Variants in COMMD1 observed in about 807,000 individuals in gnomAD.
The protein encoded by COMMD1 is copper metabolism domain containing 1, also known as COMM domain-containing protein 1.
In COMMD1, 10 loss-of-function variants were observed where a neutral mutation model predicts 17.2. The ratio of observed to expected loss-of-function variants is 0.58; its 90% CI spans 0.36 to 0.99. The LOEUF (loss-of-function observed/expected upper bound fraction) is 0.99, where lower values mean the gene tolerates loss of function less well. Among genes scored for constraint, COMMD1 ranks in the 50% least tolerant of loss-of-function variants. The pLI is 0.01. For missense variants in COMMD1, 270 were observed against 231.8 expected, an observed-to-expected ratio of 1.17 and a Z score of -1.07; for synonymous variants, 97 against 91.6, an observed-to-expected ratio of 1.06 and a Z score of -0.34.
chr2:61,933,929 A>AATTTT (rs1326737874), intron 1 of COMMD1, among the ~76,000 whole-genome samples: 5 of 151,882 alleles, frequency 3.3e-5, no homozygotes, highest in Admixed American at 6.6e-5. Flanking sequence ...ATACCTGGCT[A>AATTTT]ATTTTTTGTA....
intron 1 of COMMD1, among the ~76,000 whole-genome samples, chr2:61,935,814 G>T (rs1401748199): frequency 6.6e-6 from 1 of 151,890 alleles, no homozygotes; most frequent in Non-Finnish European, 1.5e-5. Context: ...CTTGATCTTA[G>T]GTTATCGATT....
At chr2:62,128,930 C>T (rs1485396725) in intron 2 of COMMD1, among the ~76,000 whole-genome samples, 2 of 142,260 alleles carry the variant, frequency 1.4e-5, no homozygotes, top group African/African-American at 5.3e-5. Context: ...CCAGCCTGGG[C>T]AACAGAGCGA....
At chr2:62,134,262 T>C (rs1211134112) in intron 2 of COMMD1, among the ~76,000 whole-genome samples, 1 of 152,188 alleles carries the variant, frequency 6.6e-6, no homozygotes, top group Non-Finnish European at 1.5e-5. Context: ...TTTTCAGTAG[T>C]TAGGAAAATA....
At chr2:61,901,524 G>A (rs1471144433), upstream of COMMD1, among the ~76,000 whole-genome samples, 4 of 151,978 alleles carry the variant, frequency 2.6e-5, no homozygotes, top group Non-Finnish European at 5.9e-5. Context: ...TAGGGAGGCT[G>A]ACACATGAAA....
chr2:62,055,340 G>A, intron 2 of COMMD1: 1 of 436,468 alleles, frequency 2.3e-6, no homozygotes, highest in South Asian at 1.6e-5. Flanking sequence ...TTGAAAAGGG[G>A]GAAAGACCCA....
At chr2:62,113,556 G>C (rs1672513645) in intron 2 of COMMD1, among the ~76,000 whole-genome samples, 2 of 152,054 alleles carry the variant, frequency 1.3e-5, no homozygotes, top group African/African-American at 4.8e-5. Context: ...GCTAATTTTT[G>C]TATTTTTAGT....
At chr2:62,017,713 T>C (rs1043292915) in intron 2 of COMMD1, among the ~76,000 whole-genome samples, 3 of 150,828 alleles carry the variant, frequency 2.0e-5, no homozygotes, top group African/African-American at 7.3e-5. Flanking sequence ...ATCTTTTGGC[T>C]GTGTGGCTCT....
rs142220330 is a variant in COMMD1 at position 62,093,293 on chromosome 2, A to C, written c.463-42538A>C. ...AGGAAAATGACCTTGGGAGCCATGT[A>C]AGGGCTTGCTAGGGTTAGGTTTTGG... is the stretch of plus-strand genomic sequence containing the variant. On this transcript the variant is annotated intron_variant, in intron 2 of 2. Transcript: ENST00000311832. Among the ~76,000 whole-genome samples the C allele has an allele frequency of 2.4e-3, 365 of 152,282 alleles. 3 individuals are homozygous for C. Among genetic ancestry groups the C allele is most frequent in the African/African-American group, 8.0e-3 (331 of 41,550 alleles).
At chr2:61,975,012 G>A (rs1361821093) in intron 1 of COMMD1, among the ~76,000 whole-genome samples, 25 of 151,504 alleles carry the variant, frequency 1.7e-4, no homozygotes, top group Admixed American at 1.6e-3. Context: ...TTGTCATCTA[G>A]GTGGAATCAT....
chr2:62,030,437 C>G (rs1669882211), intron 2 of COMMD1, among the ~76,000 whole-genome samples: 1 of 152,112 alleles, frequency 6.6e-6, no homozygotes, highest in Non-Finnish European at 1.5e-5. Flanking sequence ...GTTTTCTGAG[C>G]TCCAGTAGAT....
chr2:61,912,037 C>A (rs971006069), intron 1 of COMMD1, among the ~76,000 whole-genome samples: 78 of 152,212 alleles, frequency 5.1e-4, no homozygotes, highest in African/African-American at 1.8e-3. Flanking sequence ...TTATAAAGAC[C>A]CTCATTCTTC....
In COMMD1 at chr2:61,948,389, C is replaced by T. The variant is rs568407691; in HGVS notation, c.180+42531C>T. On this transcript the variant is annotated intron_variant, in intron 1 of 2. Transcript: ENST00000311832. ...TAGTTTTCTATATTTTTGAGAGTTT[C>T]GGGACTACTTAATTTATGTAAGTGC... 1.9e-3 allele frequency among the ~76,000 whole-genome samples: 285 copies of T among 152,146 alleles called. 1 individual carries two copies. The highest frequency in any genetic ancestry group is 6.3e-3 in the African/African-American group (263 of 41,510).
chr2:62,027,336 T>G (rs1288620562), intron 2 of COMMD1, among the ~76,000 whole-genome samples: 1 of 152,340 alleles, frequency 6.6e-6, no homozygotes, highest in African/African-American at 2.4e-5. Context: ...TGTGGTAATT[T>G]GATCTAATGA....
chr2:62,028,508 G>T (rs971336890), intron 2 of COMMD1, among the ~76,000 whole-genome samples: 3 of 151,990 alleles, frequency 2.0e-5, no homozygotes, highest in African/African-American at 7.2e-5. Context: ...CTTGAGTCTG[G>T]GAGGTCATGA....
intron 2 of COMMD1, among the ~76,000 whole-genome samples, chr2:62,128,218 C>T (rs1425251689): frequency 6.6e-6 from 1 of 151,718 alleles, no homozygotes; most frequent in Admixed American, 6.6e-5. Context: ...GTCCCAGCTA[C>T]TTGGGAGGCT....
chr2:62,129,115 A>G (rs915818886), intron 2 of COMMD1, among the ~76,000 whole-genome samples: 2 of 152,178 alleles, frequency 1.3e-5, no homozygotes, highest in African/African-American at 4.8e-5. Context: ...TGGTGATTCT[A>G]TGCTTCGGCA....
intron 2 of COMMD1, among the ~76,000 whole-genome samples, chr2:62,032,583 G>A (rs1669936243): frequency 6.6e-6 from 1 of 152,036 alleles, no homozygotes; most frequent in Non-Finnish European, 1.5e-5. Flanking sequence ...ATTGACTCAT[G>A]GAAATAAAAA....
intron 2 of COMMD1, among the ~76,000 whole-genome samples, chr2:62,128,335 G>GAAAAAAAA (rs55646038): frequency 8.1e-6 from 1 of 124,134 alleles, no homozygotes. Context: ...CTAAAAAAAA[G>GAAAAAAAA]AAAAAAAAAA....
intron 2 of COMMD1, 76 bp downstream of exon 2, chr2:62,001,058 T>C: frequency 7.5e-7 from 1 of 1,324,998 alleles, no homozygotes; most frequent in South Asian, 1.2e-5. Context: ...TTCAGCTTGA[T>C]TTTATGCAAT....
Sources: allele counts gnomAD v4.1 joint callset (sites outside exome capture counted in the v4.1 genomes callset), GRCh38; gene constraint gnomAD v4.1.1; transcripts MANE v1.5; gene names NCBI Gene and HGNC (gene_info 2026-07-23, HGNC 2026-07-21).